The following PCMT1 variants were observed in gnomAD, a reference collection of about 807,000 sequenced individuals.
PCMT1 encodes protein-L-isoaspartate(D-aspartate) O-methyltransferase.
In PCMT1, 9 loss-of-function variants were observed where a neutral mutation model predicts 29.2. That is an observed-to-expected ratio of 0.31 (90% CI 0.19 to 0.54). PCMT1 has a LOEUF of 0.54. Ranked by LOEUF, PCMT1 falls within the 20% of genes least tolerant of loss-of-function variation. The pLI is 0.95. For missense variants in PCMT1, 184 were observed against 282.2 expected (o/e 0.65, Z 2.49); for synonymous variants, 98 against 97.5 (o/e 1.00, Z -0.03).
chr6:149,804,101 AAATT>A (rs1775937341), intron 7 of PCMT1, among the ~76,000 whole-genome samples: 4 of 151,528 alleles, frequency 2.6e-5, no homozygotes, highest in Admixed American at 2.0e-4. Flanking sequence ...AAAAAAAAAA[AAATT>A]AAAAAGGCAT....
At chr6:149,788,932 G>T (rs1189416845) in intron 3 of PCMT1, among the ~76,000 whole-genome samples, 4 of 151,932 alleles carry the variant, frequency 2.6e-5, no homozygotes, top group Admixed American at 1.3e-4. Context: ...CTATATATTT[G>T]TTGGGAACGG....
chr6:149,778,869 T>C (rs1238289107), intron 3 of PCMT1, among the ~76,000 whole-genome samples: 1 of 152,166 alleles, frequency 6.6e-6, no homozygotes, highest in East Asian at 1.9e-4. Flanking sequence ...AGATTAGGAA[T>C]GACTTTTTTG....
chr6:149,778,621 G>A (rs904265572), intron 3 of PCMT1, among the ~76,000 whole-genome samples: 4 of 151,960 alleles, frequency 2.6e-5, no homozygotes, highest in Non-Finnish European at 2.9e-5. Context: ...CACTGCAGCC[G>A]AGACCTGCTG....
chr6:149,756,201 A>G (rs1786497067), intron 1 of PCMT1, among the ~76,000 whole-genome samples: 1 of 152,176 alleles, frequency 6.6e-6, no homozygotes, highest in Non-Finnish European at 1.5e-5. Flanking sequence ...CGAGATTTTT[A>G]GTAGGCATTT....
chr6:149,785,176 A>G (rs2115290433), intron 3 of PCMT1, among the ~76,000 whole-genome samples: 1 of 147,268 alleles, frequency 6.8e-6, no homozygotes, highest in South Asian at 2.2e-4. Context: ...ACTTATTCTT[A>G]AAACTTTTTT....
intron 3 of PCMT1, among the ~76,000 whole-genome samples, chr6:149,778,314 T>G (rs1377870528): frequency 1.3e-5 from 2 of 151,966 alleles, no homozygotes; most frequent in Non-Finnish European, 2.9e-5. Flanking sequence ...GTGAAACTTT[T>G]GCCTCCCAGG....
At chr6:149,792,339 C>G (rs1240359532) in intron 4 of PCMT1, among the ~76,000 whole-genome samples, 1 of 152,188 alleles carries the variant, frequency 6.6e-6, no homozygotes, top group East Asian at 1.9e-4. Context: ...GAACGGTTAA[C>G]TTGCCAAGGT....
At chr6:149,782,746 A>C (rs192754065) in intron 3 of PCMT1, among the ~76,000 whole-genome samples, 1 of 152,166 alleles carries the variant, frequency 6.6e-6, no homozygotes, top group East Asian at 1.9e-4. Flanking sequence ...TTGTGAGTCT[A>C]TGGAGACTTA....
intron 1 of PCMT1, among the ~76,000 whole-genome samples, chr6:149,770,558 T>C (rs1438887241): frequency 6.6e-6 from 1 of 151,556 alleles, no homozygotes; most frequent in African/African-American, 2.4e-5. Flanking sequence ...TACAAAAAAT[T>C]AGCTGGGCGT....
At chr6:149,774,466 C>A (rs1477832771) in intron 3 of PCMT1, among the ~76,000 whole-genome samples, 5 of 149,798 alleles carry the variant, frequency 3.3e-5, no homozygotes. Flanking sequence ...GTCTTGAACT[C>A]CTGACCTTGT....
intron 1 of PCMT1, among the ~76,000 whole-genome samples, chr6:149,766,623 T>A (rs1787097129): frequency 6.6e-6 from 1 of 152,230 alleles, no homozygotes; most frequent in Admixed American, 6.5e-5. Flanking sequence ...TTCTGGCTGT[T>A]CTTGCATCAC....
In PCMT1 at chr6:149,802,449, A is replaced by G. The variant is rs147489372; in HGVS notation, c.*37+33A>G. 2.5e-4 allele frequency: 360 copies of G among 1,458,568 alleles called. 1 individual carries two copies. In the African/African-American group the frequency reaches 4.5e-3, roughly 18 times the overall value. The allele number at this position is 1,458,568 out of a possible 1,614,324, so 90.4% of individuals were successfully genotyped here. ...GGTGTGGATTTTAAGACATTAGACT[A>G]CAAGAGCTGTTTTTGGTTGTCACCT... On this transcript the variant is annotated intron_variant, in intron 7 of 7. Transcript: ENST00000464889.
intron 3 of PCMT1, among the ~76,000 whole-genome samples, chr6:149,786,840 G>A (rs1206383475): frequency 3.4e-5 from 5 of 148,984 alleles, no homozygotes; most frequent in Non-Finnish European, 7.4e-5. Context: ...ATGGGATGGC[G>A]GCTGGGCAGA....
At chr6:149,757,380 G>A (rs905273443) in intron 1 of PCMT1, among the ~76,000 whole-genome samples, 3 of 152,020 alleles carry the variant, frequency 2.0e-5, no homozygotes, top group Non-Finnish European at 2.9e-5. Context: ...GGAAAGATTC[G>A]ATTGTGCTGT....
intron 1 of PCMT1, among the ~76,000 whole-genome samples, chr6:149,757,572 T>G (rs954352067): frequency 6.6e-6 from 1 of 152,086 alleles, no homozygotes; most frequent in Non-Finnish European, 1.5e-5. Flanking sequence ...GCAGTGGTGT[T>G]TAAATTTGAA....
rs1427449368 is a variant in PCMT1 at position 149,796,467 on chromosome 6, T to C, written c.471T>C (p.His157=). 1.2e-6 allele frequency: 2 copies of C among 1,613,908 alleles called. No individual in the cohort carries two copies. The highest frequency in any genetic ancestry group is 8.5e-7 in the Non-Finnish European group (1 of 1,179,916). ...AAGAAGCCCCTTATGATGCCATTCA[T>C]GTGGGAGCTGCAGCCCCTGTTGTAC... ...YAEEAPYDAI[H]VGAAAPVVPQ... is the part of the protein sequence containing the mutation. Residue 157 remains histidine, a synonymous_variant, in exon 6 of 8, where the codon CAT becomes CAC. Coordinates refer to ENST00000464889, the MANE Select transcript of PCMT1 (RefSeq NM_001360452.2).
At chr6:149,765,732 C>G in intron 1 of PCMT1, 1 of 335,936 alleles carries the variant, frequency 3.0e-6, no homozygotes, top group Non-Finnish European at 5.7e-6. Context: ...TTTGGGAGGA[C>G]GAGGAAGGTG....
intron 7 of PCMT1, among the ~76,000 whole-genome samples, chr6:149,809,784 C>T (rs1404652519): frequency 2.0e-5 from 3 of 151,944 alleles, no homozygotes; most frequent in Non-Finnish European, 4.4e-5. Context: ...ACATTTCTTT[C>T]CCCTCTTTCT....
chr6:149,802,441 A>G, intron 7 of PCMT1, 25 bp downstream of exon 7: 1 of 1,490,124 alleles, frequency 6.7e-7, no homozygotes, highest in Non-Finnish European at 9.0e-7. Flanking sequence ...ATTTTAAGAC[A>G]TTAGACTACA....
Sources: allele counts gnomAD v4.1 joint callset (sites outside exome capture counted in the v4.1 genomes callset), GRCh38; gene constraint gnomAD v4.1.1; transcripts MANE v1.5; gene names NCBI Gene and HGNC (gene_info 2026-07-23, HGNC 2026-07-21).